EGFLAM: variants seen among roughly 807,000 people sequenced by gnomAD.
The protein encoded by EGFLAM is EGF like, fibronectin type III and laminin G domains, also known as pikachurin.
A neutral mutation model predicts 113.1 loss-of-function variants in EGFLAM; 79 were observed. The ratio of observed to expected loss-of-function variants is 0.70; its 90% confidence interval spans 0.58 to 0.84. The LOEUF (loss-of-function observed/expected upper bound fraction) is 0.84. EGFLAM is among the 40% of genes least tolerant of loss of function. The pLI, the probability that EGFLAM is intolerant of heterozygous loss-of-function variation, is 0.00. For missense variants in EGFLAM, 1,265 were observed against 1,291.6 expected (o/e 0.98, Z 0.32); for synonymous variants, 504 against 487.6 (o/e 1.03, Z -0.44).
intron 10 of EGFLAM, among the ~76,000 whole-genome samples, chr5:38,412,130 G>T (rs1314856099): frequency 6.6e-6 from 1 of 152,162 alleles, no homozygotes; most frequent in African/African-American, 2.4e-5. Context: ...AATACAGGGG[G>T]TACATGTGCA....
chr5:38,333,333 G>T (rs892903953), intron 1 of EGFLAM, among the ~76,000 whole-genome samples: 3 of 152,114 alleles, frequency 2.0e-5, no homozygotes, highest in African/African-American at 7.2e-5. Context: ...GGGATTGCTG[G>T]GTCGAATGGT....
intron 6 of EGFLAM, among the ~76,000 whole-genome samples, chr5:38,399,560 G>A (rs1741051210): frequency 6.6e-6 from 1 of 152,116 alleles, no homozygotes; most frequent in Non-Finnish European, 1.5e-5. Context: ...TTACAGGTGT[G>A]AGCCACTGCA....
intron 5 of EGFLAM, among the ~76,000 whole-genome samples, chr5:38,365,963 A>G (rs1208703018): frequency 6.6e-6 from 1 of 152,146 alleles, no homozygotes; most frequent in East Asian, 1.9e-4. Context: ...AGTCAGCTTC[A>G]TTGTCTGTCA....
intron 5 of EGFLAM, among the ~76,000 whole-genome samples, chr5:38,353,155 G>C (rs929947074): frequency 6.6e-6 from 1 of 152,150 alleles, no homozygotes; most frequent in Non-Finnish European, 1.5e-5. Context: ...CTTAGCAGAG[G>C]GTAGAGAGTG....
At chr5:38,289,242 T>G (rs532294755) in intron 1 of EGFLAM, among the ~76,000 whole-genome samples, 19 of 152,120 alleles carry the variant, frequency 1.2e-4, no homozygotes, top group African/African-American at 4.6e-4. Flanking sequence ...ACCTGCTAAT[T>G]CTTCTTCCTT....
chr5:38,334,724 A>G (rs1368403287), intron 1 of EGFLAM, among the ~76,000 whole-genome samples: 1 of 152,222 alleles, frequency 6.6e-6, no homozygotes, highest in Non-Finnish European at 1.5e-5. Context: ...TTCTTTAAAA[A>G]GTGGTAGTAG....
intron 1 of EGFLAM, among the ~76,000 whole-genome samples, chr5:38,284,597 T>C (rs1290506301): frequency 6.6e-6 from 1 of 152,206 alleles, no homozygotes; most frequent in Non-Finnish European, 1.5e-5. Context: ...TGCTTTCTTT[T>C]GTTTGCCTGC....
chr5:38,289,334 A>G (rs1758251427), intron 1 of EGFLAM, among the ~76,000 whole-genome samples: 1 of 149,446 alleles, frequency 6.7e-6, no homozygotes, highest in African/African-American at 2.5e-5. Flanking sequence ...AACCTGTAAT[A>G]GGCTCCTAAC....
chr5:38,438,133 A>C (rs1370315581), intron 16 of EGFLAM, 142 bp from the exon 17 acceptor site: 1 of 768,904 alleles, frequency 1.3e-6, no homozygotes, highest in Non-Finnish European at 1.9e-6. Context: ...AAAAAAAAAA[A>C]AAAAAAAGTG....
At chr5:38,313,181 CT>C (rs1738501875) in intron 1 of EGFLAM, among the ~76,000 whole-genome samples, 1 of 152,128 alleles carries the variant, frequency 6.6e-6, no homozygotes, top group African/African-American at 2.4e-5. Context: ...TTAATCTTTT[CT>C]GATTTTTTTA....
intron 10 of EGFLAM, 36 bp from the exon 11 acceptor site, chr5:38,412,468 G>A (rs764958957): frequency 3.5e-5 from 56 of 1,613,748 alleles, no homozygotes; most frequent in South Asian, 2.2e-4. Flanking sequence ...GGCCTGGTTC[G>A]TCAAGAAATC....
Position 38,409,123 on chromosome 5 carries a change from C to T in EGFLAM, c.1349+19C>T. ...AGTTCAGGTAATTCCTGCCAAAAGC[C>T]TCACACTCTTTTTTTGTTACATTAT... On this transcript the variant is annotated intron_variant, in intron 10 of 21. Coordinates refer to ENST00000322350, the MANE Select transcript of EGFLAM (RefSeq NM_152403.4). 6.5e-7 allele frequency: 1 copy of T among 1,532,830 alleles called. No individual in the cohort carries two copies. Among genetic ancestry groups the T allele is most frequent in the Non-Finnish European group, 8.8e-7 (1 of 1,135,464 alleles). 95.0% of individuals were successfully genotyped at this position (1,532,830 alleles called of 1,614,324 possible). A position where few individuals can be genotyped will look rare whatever the true frequency, so the allele number is the denominator to read the frequency against.
chr5:38,321,520 T>C (rs1443486221), intron 1 of EGFLAM, among the ~76,000 whole-genome samples: 1 of 152,178 alleles, frequency 6.6e-6, no homozygotes, highest in East Asian at 1.9e-4. Flanking sequence ...ACAGAGTAGG[T>C]ACTTGGAAGT....
chr5:38,292,487 C>T (rs915570871), intron 1 of EGFLAM, among the ~76,000 whole-genome samples: 1 of 152,178 alleles, frequency 6.6e-6, no homozygotes, highest in Non-Finnish European at 1.5e-5. Flanking sequence ...TTTCATCTTC[C>T]AGGTTTTGAA....
chr5:38,427,415 A>G (rs1742052591), intron 14 of EGFLAM, 163 bp downstream of exon 14: 3 of 1,215,766 alleles, frequency 2.5e-6, no homozygotes, highest in Non-Finnish European at 2.2e-6. Flanking sequence ...GGCAGATGAC[A>G]GGCTTCCTAT....
At position 38,307,279 on chromosome 5, in the gene EGFLAM, C is replaced by T. The variant is rs1013940128; in HGVS notation, c.98-30241C>T. ...ATATGGTTTGATTCTGTGTCCCCACCCAAATCTCATCTTGAATTGTAGTTC... is the reference window on the plus strand; with the variant it reads ...ATATGGTTTGATTCTGTGTCCCCACTCAAATCTCATCTTGAATTGTAGTTC... On this transcript the variant is annotated intron_variant, in intron 1 of 21. Coordinates refer to ENST00000322350, the MANE Select transcript of EGFLAM (RefSeq NM_152403.4). 3.7e-4 allele frequency among the ~76,000 whole-genome samples: 56 copies of T among 152,136 alleles called. 1 individual carries two copies. Among genetic ancestry groups the T allele is most frequent in the African/African-American group, 1.2e-3 (48 of 41,418 alleles).
chr5:38,407,927 A>G (rs751111512), intron 9 of EGFLAM, 22 bp downstream of exon 9: 11 of 1,563,442 alleles, frequency 7.0e-6, no homozygotes, highest in Non-Finnish European at 7.0e-6. Context: ...GTGTTGTTTG[A>G]TGAGTGCTTT....
chr5:38,273,395 G>A (rs777354083), intron 1 of EGFLAM, among the ~76,000 whole-genome samples: 3 of 152,194 alleles, frequency 2.0e-5, no homozygotes, highest in Non-Finnish European at 2.9e-5. Context: ...ATCACTGCTG[G>A]CCAACTACAG....
chr5:38,379,413 C>T (rs765213249), intron 6 of EGFLAM, among the ~76,000 whole-genome samples: 1 of 151,432 alleles, frequency 6.6e-6, no homozygotes, highest in Non-Finnish European at 1.5e-5. Flanking sequence ...ATGCATGGAA[C>T]CTCCAAAGAA....
Sources: gnomAD v4.1 joint callset for allele counts (sites outside exome capture counted in the v4.1 genomes callset) on GRCh38, gnomAD v4.1.1 for gene constraint, MANE v1.5 for transcripts, NCBI Gene and HGNC (gene_info 2026-07-23, HGNC 2026-07-21) for gene names.